MAP1B: variants seen among roughly 807,000 people sequenced by gnomAD.
MAP1B encodes microtubule-associated protein 1B.
In MAP1B, 12 loss-of-function variants were observed where a neutral mutation model predicts 176.1. The observed-to-expected ratio is 0.07, with a 90% CI of 0.04 to 0.11. The LOEUF is 0.11. Among genes scored for constraint, MAP1B ranks in the 10% least tolerant of loss-of-function variants. The pLI is 1.00. For missense variants in MAP1B, 2,523 were observed against 2,990.5 expected (o/e 0.84, Z 3.65); for synonymous variants, 1,044 against 1,135.0 (o/e 0.92, Z 1.61).
At chr5:72,166,823 G>A (rs1266987000) in intron 2 of MAP1B, among the ~76,000 whole-genome samples, 3 of 152,140 alleles carry the variant, frequency 2.0e-5, no homozygotes, top group African/African-American at 2.4e-5. Context: ...TGACTGGCGC[G>A]CAGTGCTGGG....
rs1445029719 is a variant in MAP1B at position 72,169,548 on chromosome 5, GGAGT to G, written c.287-14189_287-14186del. The G allele has an allele frequency of 2.6e-5, 4 of 154,420 alleles. No individual in the cohort carries two copies. The East Asian group carries it at 5.8e-4, about 22-fold the overall frequency. The allele number at this position is 154,420 out of a possible 1,614,324, so 9.6% of individuals were successfully genotyped here. A position where few individuals can be genotyped will look rare whatever the true frequency, so the allele number is the denominator to read the frequency against. On this transcript the variant is annotated intron_variant, in intron 2 of 6. Transcript: ENST00000296755. Reference sequence around the variant, plus strand: ...ATGATGTTAAATCCCATTCAGAAGTGGAGTGAGTGTTTGTGTGTAACTATGGGTA... The same window carrying G: ...ATGATGTTAAATCCCATTCAGAAGTGGAGTGTTTGTGTGTAACTATGGGTA...
intron 2 of MAP1B, among the ~76,000 whole-genome samples, chr5:72,131,568 T>C (rs954141025): frequency 1.3e-5 from 2 of 152,236 alleles, no homozygotes; most frequent in Non-Finnish European, 2.9e-5. Flanking sequence ...AAAAGAAAAC[T>C]ATCTGAATAT....
At chr5:72,123,563 C>G (rs1279054255) in intron 2 of MAP1B, among the ~76,000 whole-genome samples, 8 of 152,062 alleles carry the variant, frequency 5.3e-5, no homozygotes, top group African/African-American at 1.9e-4. Context: ...CGGCTCACTG[C>G]AAGCTATGCC....
chr5:72,182,463 C>T (rs1421610542), intron 2 of MAP1B, among the ~76,000 whole-genome samples: 2 of 152,122 alleles, frequency 1.3e-5, no homozygotes, highest in Non-Finnish European at 2.9e-5. Context: ...CCACATTTTA[C>T]CCAATCATCA....
At chr5:72,184,198 GAAGAATGGCATCTC>G (rs1001138845) in intron 3 of MAP1B, among the ~76,000 whole-genome samples, 8 of 152,204 alleles carry the variant, frequency 5.3e-5, no homozygotes, top group African/African-American at 1.7e-4. Context: ...CAAACCTGGA[GAAGAATGGCATCTC>G]AAGAATGGCA....
chr5:72,147,599 G>A (rs891337370), intron 2 of MAP1B, among the ~76,000 whole-genome samples: 1 of 152,172 alleles, frequency 6.6e-6, no homozygotes, highest in Non-Finnish European at 1.5e-5. Flanking sequence ...CAAGGCCTGC[G>A]AGGACACGCC....
At chr5:72,169,998 C>A (rs1047350351) in intron 2 of MAP1B, among the ~76,000 whole-genome samples, 6 of 152,162 alleles carry the variant, frequency 3.9e-5, no homozygotes, top group African/African-American at 1.4e-4. Flanking sequence ...AAACAACACT[C>A]TTTATTTAAA....
At chr5:72,129,942 G>A (rs925006684) in intron 2 of MAP1B, among the ~76,000 whole-genome samples, 6 of 152,064 alleles carry the variant, frequency 3.9e-5, no homozygotes, top group South Asian at 2.1e-4. Flanking sequence ...ACATTCCAGC[G>A]TATAAATATA....
intron 2 of MAP1B, among the ~76,000 whole-genome samples, chr5:72,127,437 T>C (rs1168518403): frequency 6.6e-6 from 1 of 152,174 alleles, no homozygotes; most frequent in African/African-American, 2.4e-5. Context: ...ACCTTTAAGG[T>C]AAAAACTTCA....
At chr5:72,148,769 A>G (rs9293787) in intron 2 of MAP1B, among the ~76,000 whole-genome samples, 10,355 of 152,270 alleles carry the variant, frequency 0.068, 412 homozygotes, top group Middle Eastern at 0.095. Flanking sequence ...AATAGCCCAG[A>G]CCATGTGTTT....
At chr5:72,116,371 G>T in intron 2 of MAP1B, 1 of 364,306 alleles carries the variant, frequency 2.7e-6, no homozygotes, top group Non-Finnish European at 5.2e-6. Flanking sequence ...TCTTCGTGTG[G>T]GTAAAAGAAT....
rs374072953 is a variant in MAP1B at position 72,197,721 on chromosome 5, G to A, written c.4366G>A (p.Asp1456Asn). Residue 1456 changes from aspartate (D) to asparagine (N), a missense_variant, in exon 5 of 7, where the codon GAC becomes AAC. Physicochemically the swap from Asp to Asn is conservative, Grantham distance 23. Coordinates refer to ENST00000296755, the MANE Select transcript of MAP1B (RefSeq NM_005909.5). ...SEMTSTSLYQ[D>N]KQEGKSTDFA... ...AATGACTTCTACTAGTCTTTACCAAGACAAACAGGAAGGGAAAAGCACAGA... is the reference window on the plus strand; with the variant it reads ...AATGACTTCTACTAGTCTTTACCAAAACAAACAGGAAGGGAAAAGCACAGA... The A allele has an allele frequency of 3.7e-6, 6 of 1,613,884 alleles. No individual in the cohort carries two copies. Among genetic ancestry groups the A allele is most frequent in the Non-Finnish European group, 5.1e-6 (6 of 1,180,022 alleles).
chr5:72,140,897 G>A (rs57689283), intron 2 of MAP1B, among the ~76,000 whole-genome samples: 1,769 of 152,250 alleles, frequency 0.012, 27 homozygotes, highest in African/African-American at 0.035. Flanking sequence ...GGTATGAGTC[G>A]TTATGAATCA....
chr5:72,164,942 T>A (rs551162781), intron 2 of MAP1B, among the ~76,000 whole-genome samples: 86 of 152,354 alleles, frequency 5.6e-4, no homozygotes, highest in African/African-American at 2.0e-3. Flanking sequence ...CCTTTCTTCC[T>A]TGTTTTTTTC....
chr5:72,201,502 T>C (rs1747334476), intron 5 of MAP1B, among the ~76,000 whole-genome samples: 1 of 152,260 alleles, frequency 6.6e-6, no homozygotes, highest in African/African-American at 2.4e-5. Flanking sequence ...ACCTGGGCTT[T>C]TGATGGAACT....
chr5:72,165,777 C>T lies in MAP1B; in HGVS notation c.287-17966C>T, dbSNP rs1746415712. On this transcript the variant is annotated intron_variant, in intron 2 of 6. Transcript: ENST00000296755. ...GCATTACTATTAAAATGTGAAAAAG[C>T]TCATAAGTGTATCACCCCAATCTTG... is the stretch of plus-strand genomic sequence containing the variant. 2.0e-5 allele frequency among the ~76,000 whole-genome samples: 3 copies of T among 152,108 alleles called. No homozygotes were observed. The South Asian group carries it at 6.2e-4, about 32-fold the overall frequency.
chr5:72,181,025 T>A (rs1341173632), intron 2 of MAP1B, among the ~76,000 whole-genome samples: 1 of 152,218 alleles, frequency 6.6e-6, no homozygotes, highest in Non-Finnish European at 1.5e-5. Flanking sequence ...TTAATTCTCT[T>A]CTGTAGACTC....
rs971581719 is a variant in MAP1B at position 72,195,501 on chromosome 5, G to A, written c.2146G>A (p.Glu716Lys). The A allele has an allele frequency of 1.9e-6, 3 of 1,587,224 alleles. No homozygotes were observed. Among genetic ancestry groups the A allele is most frequent in the Non-Finnish European group, 2.6e-6 (3 of 1,173,398 alleles). Residue 716 changes from glutamate (E) to lysine (K), a missense_variant, in exon 5 of 7, where the codon GAA (glutamate) becomes AAA (lysine). By Grantham distance (56) the Glu-to-Lys change is moderately conservative. Around this residue, in one of 4 missense-constraint regions of MAP1B, gnomAD observed 1,925 missense variants for 2,126.0 expected, o/e 0.91. Transcript: ENST00000296755. ...GGAAGTCAAGAAGGAAGTTAAGAAG[G>A]AAGAGAAGAAGGAAGTGAAAAAGGA... ...PKEVKKEVKKEEKKEVKKEEK... is the reference protein window; with the variant it reads ...PKEVKKEVKKKEKKEVKKEEK...
chr5:72,132,711 C>T (rs1413509263), intron 2 of MAP1B, among the ~76,000 whole-genome samples: 3 of 152,178 alleles, frequency 2.0e-5, no homozygotes, highest in Non-Finnish European at 4.4e-5. Flanking sequence ...TTCATAGTGG[C>T]AACGTCTGCA....
Sources: gnomAD v4.1 joint callset for allele counts (sites outside exome capture counted in the v4.1 genomes callset) on GRCh38, gnomAD v4.1.1 for gene constraint, gnomAD v4.1.1 regional missense constraint, MANE v1.5 for transcripts, NCBI Gene and HGNC (gene_info 2026-07-23, HGNC 2026-07-21) for gene names.